Variants in SLC7A2 observed in about 807,000 individuals in gnomAD.
SLC7A2 encodes the protein cationic amino acid transporter 2.
Under a neutral mutation model 58.9 loss-of-function variants are expected in SLC7A2, and 48 were observed. That is an observed-to-expected ratio of 0.82 (90% confidence interval 0.65 to 1.04). SLC7A2 has a LOEUF of 1.04. Ranked by LOEUF, SLC7A2 falls within the 50% of genes least tolerant of loss-of-function variation. The probability of loss-of-function intolerance (pLI) is 0.00; values close to 1 mark genes in which losing one functional copy is unlikely to be tolerated. For synonymous variants in SLC7A2, 363 were observed against 314.5 expected, an observed-to-expected ratio of 1.15 and a Z score of -1.63; for missense variants, 1,029 against 818.8, an observed-to-expected ratio of 1.26 and a Z score of -3.13.
At chr8:17,545,527 A>G (rs1375694476) in intron 4 of SLC7A2, among the ~76,000 whole-genome samples, 1 of 145,040 alleles carries the variant, frequency 6.9e-6, no homozygotes, top group East Asian at 2.0e-4. Context: ...CCTCCTGAGT[A>G]GCTGGGACTA....
chr8:17,553,731 T>C (rs1184630216), intron 7 of SLC7A2, among the ~76,000 whole-genome samples: 1 of 152,156 alleles, frequency 6.6e-6, no homozygotes, highest in Non-Finnish European at 1.5e-5. Context: ...TGAGCTATGA[T>C]CGTACTACTG....
At chr8:17,508,524 G>A (rs968222871) in intron 2 of SLC7A2, among the ~76,000 whole-genome samples, 5 of 152,122 alleles carry the variant, frequency 3.3e-5, no homozygotes, top group African/African-American at 1.2e-4. Context: ...AGGAGTTCAA[G>A]ACCAGCCTGG....
rs145876440 is a variant in SLC7A2 at position 17,506,348 on chromosome 8, C to G, written c.-23+4046C>G. Among the ~76,000 whole-genome samples the G allele has an allele frequency of 4.1e-4, 62 of 152,244 alleles. 1 individual carries two copies. The East Asian group carries it at 0.011, about 27-fold the overall frequency. On this transcript the variant is annotated intron_variant, in intron 2 of 12. Coordinates refer to ENST00000494857, the MANE Select transcript of SLC7A2 (RefSeq NM_001370338.1). ...AAGAGGATTGATAACATGAATAAGT[C>G]TAGGTGTCCTGGAAATTCATTTGGT...
chr8:17,563,211 G>T (rs1461398120), intron 11 of SLC7A2, among the ~76,000 whole-genome samples: 1 of 152,134 alleles, frequency 6.6e-6, no homozygotes. Context: ...AAACTATCCT[G>T]TCCCATTTGA....
chr8:17,530,535 T>A (rs149403032), intron 2 of SLC7A2, among the ~76,000 whole-genome samples: 2,171 of 151,274 alleles, frequency 0.014, 20 homozygotes, highest in Non-Finnish European at 0.022. Context: ...TGAAGTTAGT[T>A]GGCAGAAGGC....
chr8:17,501,753 A>C (rs1800169705), intron 1 of SLC7A2, among the ~76,000 whole-genome samples: 1 of 152,090 alleles, frequency 6.6e-6, no homozygotes, highest in South Asian at 2.1e-4. Context: ...AAATGAAAGC[A>C]ATACCCACAC....
In SLC7A2 at chr8:17,515,764, C is replaced by CGG. The variant is rs151185683; in HGVS notation, c.-23+13462_-23+13463insGG. Among the ~76,000 whole-genome samples the CGG allele has an allele frequency of 2.2e-3, 331 of 152,300 alleles. 2 individuals are homozygous for CGG. Among genetic ancestry groups the CGG allele is most frequent in the African/African-American group, 7.6e-3 (315 of 41,554 alleles). The stretch of plus-strand genomic sequence containing the variant: ...CAAAATAAAAATCCTATCATTAAAT[C>CGG]TTAGAATCTGAGTTGGCAGATAACC... On this transcript the variant is annotated intron_variant, in intron 2 of 12. Transcript: ENST00000494857.
intron 10 of SLC7A2, among the ~76,000 whole-genome samples, chr8:17,561,255 A>G (rs1467640073): frequency 6.6e-6 from 1 of 152,204 alleles, no homozygotes; most frequent in African/African-American, 2.4e-5. Flanking sequence ...AATTATAAAG[A>G]AAAAGGTTTA....
At chr8:17,542,567 A>C (rs1180911448) in intron 2 of SLC7A2, among the ~76,000 whole-genome samples, 2 of 151,996 alleles carry the variant, frequency 1.3e-5, no homozygotes, top group African/African-American at 4.8e-5. Flanking sequence ...GAGAGGATTG[A>C]TTGAGCCCAG....
In SLC7A2 at chr8:17,569,697, C is replaced by A. The variant is rs1803426294; in HGVS notation, c.*4551C>A. ...TTTGTATATACACGGTTTAGTCTTA[C>A]TGATTTCAAATGCATTTTGTTATTG... On this transcript the variant is annotated 3_prime_UTR_variant, in exon 13 of 13. Transcript: ENST00000494857. The A allele has an allele frequency of 6.6e-6, 1 of 152,112 alleles. No individual in the cohort carries two copies. The highest frequency in any genetic ancestry group is 2.4e-5 in the African/African-American group (1 of 41,422). The allele number at this position is 152,112 out of a possible 1,614,324, so 9.4% of individuals were successfully genotyped here.
At chr8:17,496,241 G>C (rs1799954777), upstream of SLC7A2, among the ~76,000 whole-genome samples, 1 of 152,072 alleles carries the variant, frequency 6.6e-6, no homozygotes, top group Admixed American at 6.5e-5. Flanking sequence ...AGGATAGCTT[G>C]AGCCCAGGAG....
Position 17,568,159 on chromosome 8 carries a change from A to G in SLC7A2, c.*3013A>G, listed in dbSNP as rs1323441068. ...TTGTGATTGAGTAAAAGCAGCTTAA[A>G]TTACTTTTCTTTTCTACATTAAGAA... On this transcript the variant is annotated 3_prime_UTR_variant, in exon 13 of 13. Transcript: ENST00000494857. 2.0e-5 allele frequency: 3 copies of G among 152,070 alleles called. No homozygotes were observed. Among genetic ancestry groups the G allele is most frequent in the African/African-American group, 7.2e-5 (3 of 41,392 alleles). 9.4% of individuals were successfully genotyped at this position (152,070 alleles called of 1,614,324 possible). A position where few individuals can be genotyped will look rare whatever the true frequency, so the allele number is the denominator to read the frequency against.
At chr8:17,511,501 G>T (rs1183050798) in intron 2 of SLC7A2, among the ~76,000 whole-genome samples, 1 of 152,116 alleles carries the variant, frequency 6.6e-6, no homozygotes, top group Non-Finnish European at 1.5e-5. Flanking sequence ...ATTTGAATTA[G>T]ACTAATACAG....
chr8:17,558,839 A>G (rs1315616431), intron 9 of SLC7A2, among the ~76,000 whole-genome samples: 1 of 152,238 alleles, frequency 6.6e-6, no homozygotes, highest in Non-Finnish European at 1.5e-5. Context: ...ACATTTGTTC[A>G]CTGAACTCTT....
chr8:17,547,096 T>A (rs1003017608), intron 4 of SLC7A2, among the ~76,000 whole-genome samples: 18 of 152,156 alleles, frequency 1.2e-4, no homozygotes, highest in African/African-American at 4.3e-4. Flanking sequence ...ATTTTATAAA[T>A]CAATGTATTA....
intron 4 of SLC7A2, among the ~76,000 whole-genome samples, chr8:17,548,307 C>G (rs191138913): frequency 6.6e-6 from 1 of 152,322 alleles, no homozygotes; most frequent in East Asian, 1.9e-4. Context: ...TACCACTGCA[C>G]TTCTGCCAGG....
chr8:17,504,589 C>G (rs890458618), intron 2 of SLC7A2, among the ~76,000 whole-genome samples: 1 of 152,086 alleles, frequency 6.6e-6, no homozygotes, highest in African/African-American at 2.4e-5. Context: ...TTAGAGAACC[C>G]ATATATGTTC....
intron 2 of SLC7A2, among the ~76,000 whole-genome samples, chr8:17,515,802 C>G (rs1377664369): frequency 1.3e-5 from 2 of 152,174 alleles, no homozygotes; most frequent in Non-Finnish European, 2.9e-5. Context: ...GTCTAATACC[C>G]TTCTAACTAA....
chr8:17,561,304 G>A (rs565134671), intron 10 of SLC7A2, among the ~76,000 whole-genome samples: 58 of 152,286 alleles, frequency 3.8e-4, no homozygotes, highest in African/African-American at 1.3e-3. Context: ...AGGCCTCACA[G>A]TCATGGTGGA....
Sources: gnomAD v4.1 joint callset for allele counts (sites outside exome capture counted in the v4.1 genomes callset) on GRCh38, gnomAD v4.1.1 for gene constraint, MANE v1.5 for transcripts, NCBI Gene and HGNC (gene_info 2026-07-23, HGNC 2026-07-21) for gene names.